FBXO45: variants seen among roughly 807,000 people sequenced by gnomAD.
FBXO45 encodes F-box/SPRY domain-containing protein 1.
In FBXO45, 3 loss-of-function variants were observed where a neutral mutation model predicts 25.5. That is an observed-to-expected ratio of 0.12 (90% CI 0.05 to 0.30). The LOEUF is 0.30. FBXO45 is among the 10% of genes least tolerant of loss of function. The probability of loss-of-function intolerance (pLI) is 1.00; values close to 1 mark genes in which losing one functional copy is unlikely to be tolerated. For missense variants in FBXO45, 219 were observed against 365.0 expected, an observed-to-expected ratio of 0.60 and a Z score of 3.26; for synonymous variants, 155 against 149.8, an observed-to-expected ratio of 1.03 and a Z score of -0.25.
At position 196,569,190 on chromosome 3, in the gene FBXO45, G is replaced by T. The variant is rs1735726183; in HGVS notation, c.206G>T (p.Cys69Phe). The T allele has an allele frequency of 2.6e-6, 4 of 1,565,860 alleles. No homozygotes were observed. The highest frequency in any genetic ancestry group is 2.6e-6 in the Non-Finnish European group (3 of 1,155,894). Residue 69 changes from cysteine to phenylalanine, a missense_variant, in exon 1 of 3, where the codon TGC (cysteine) becomes TTC (phenylalanine). Cys to Phe is a radical substitution (Grantham distance 205). Coordinates refer to ENST00000311630, the MANE Select transcript of FBXO45 (RefSeq NM_001105573.2). The surrounding 1 kb of genome is among the most constrained non-coding windows in gnomAD (Gnocchi z 4.1). ...CTGGTGTGCAAGCACTGGTACCGCT[G>T]CCTGCACGGCGATGAGAACAGCGAG... is the stretch of plus-strand genomic sequence containing the variant. ...CALVCKHWYR[C>F]LHGDENSEVW...
rs1452830257 is a variant in FBXO45 at position 196,586,836 on chromosome 3, A to G, written c.*2518A>G. On this transcript the variant is annotated 3_prime_UTR_variant, in exon 3 of 3. Coordinates refer to ENST00000311630, the MANE Select transcript of FBXO45 (RefSeq NM_001105573.2). ...TTTTAAAAACTTTCTGGTCATTTCA[A>G]TATGCTGCCAAGGTTGAGAACCACT... The G allele has an allele frequency of 6.6e-6, 1 of 152,124 alleles. No individual in the cohort carries two copies. Among genetic ancestry groups the G allele is most frequent in the Non-Finnish European group, 1.5e-5 (1 of 68,022 alleles). The allele number at this position is 152,124 out of a possible 1,614,324, so 9.4% of individuals were successfully genotyped here.
At chr3:196,578,046 CTT>C (rs775555553) in intron 2 of FBXO45, among the ~76,000 whole-genome samples, 1 of 94,086 alleles carries the variant, frequency 1.1e-5, no homozygotes, top group South Asian at 3.2e-4. Flanking sequence ...GAAAAATATT[CTT>C]TTTTTTTTTT....
At chr3:196,573,464 G>A (rs559122992) in intron 1 of FBXO45, among the ~76,000 whole-genome samples, 1 of 152,308 alleles carries the variant, frequency 6.6e-6, no homozygotes, top group South Asian at 2.1e-4. Flanking sequence ...AAAAAGACTA[G>A]GCCATAGATG....
rs1420882761 is a variant in FBXO45 at position 196,569,341 on chromosome 3, G to A, written c.318+39G>A. On this transcript the variant is annotated intron_variant, in intron 1 of 2. Transcript: ENST00000311630. The surrounding 1 kb of genome is among the most constrained non-coding windows in gnomAD (Gnocchi z 4.1). Reference sequence around the variant, plus strand: ...GGGCCACACCGCTGCCCCCAGTCCCGCTCCCCGGCGTCGTTCGCGGTGTTT... The same window carrying A: ...GGGCCACACCGCTGCCCCCAGTCCCACTCCCCGGCGTCGTTCGCGGTGTTT... The A allele has an allele frequency of 5.6e-6, 8 of 1,432,620 alleles. No homozygotes were observed. The East Asian group carries it at 1.3e-4, about 24-fold the overall frequency. The allele number at this position is 1,432,620 out of a possible 1,614,324, so 88.7% of individuals were successfully genotyped here.
intron 2 of FBXO45, among the ~76,000 whole-genome samples, chr3:196,578,043 A>ATTTTTTTTTT (rs1196867210): frequency 1.2e-4 from 3 of 25,184 alleles, no homozygotes; most frequent in African/African-American, 7.6e-4. Context: ...GCAGAAAAAT[A>ATTTTTTTTTT]TTCTTTTTTT....
Position 196,578,046 on chromosome 3 carries a change from C to G in FBXO45, c.675+237C>G, listed in dbSNP as rs116443640. On this transcript the variant is annotated intron_variant, in intron 2 of 2. Transcript: ENST00000311630. ...GATTTTGGCTATGCAGAAAAATATT[C>G]TTTTTTTTTTTTTAGACAGAATCTC... 2.9e-4 allele frequency among the ~76,000 whole-genome samples: 27 copies of G among 94,050 alleles called. 2 individuals carry two copies. The highest frequency in any genetic ancestry group is 7.0e-4 in the African/African-American group (15 of 21,574). The allele number at this position is 94,050 out of a possible 152,430, so 61.7% of individuals were successfully genotyped here.
chr3:196,578,325 A>G (rs1735953147), intron 2 of FBXO45, among the ~76,000 whole-genome samples: 1 of 152,064 alleles, frequency 6.6e-6, no homozygotes, highest in Non-Finnish European at 1.5e-5. Context: ...GTGAGCCACC[A>G]TGCCCAGCCT....
rs886519808 is a variant in FBXO45, at chr3:196,586,760, C to T, written c.*2442C>T. On this transcript the variant is annotated 3_prime_UTR_variant, in exon 3 of 3. Transcript: ENST00000311630. Reference sequence around the variant, plus strand: ...GGAAGACACATCGATGCTTGGGTTCCGTATGCCAAGATTCTGATGTTGGTC... The same window carrying T: ...GGAAGACACATCGATGCTTGGGTTCTGTATGCCAAGATTCTGATGTTGGTC... 1.3e-5 allele frequency: 2 copies of T among 152,084 alleles called. No individual in the cohort carries two copies. Among genetic ancestry groups the T allele is most frequent in the African/African-American group, 4.8e-5 (2 of 41,408 alleles). 9.4% of individuals were successfully genotyped at this position (152,084 alleles called of 1,614,324 possible). A position where few individuals can be genotyped will look rare whatever the true frequency, so the allele number is the denominator to read the frequency against.
chr3:196,583,143 CATA>C (rs1371081294), intron 2 of FBXO45, among the ~76,000 whole-genome samples: 8 of 152,176 alleles, frequency 5.3e-5, no homozygotes, highest in African/African-American at 1.9e-4. Context: ...TTTCACTTAG[CATA>C]ATATTTTCAG....
intron 2 of FBXO45, among the ~76,000 whole-genome samples, chr3:196,578,067 A>C (rs992586055): frequency 2.3e-4 from 3 of 12,928 alleles, no homozygotes; most frequent in African/African-American, 5.9e-4. Context: ...TTTAGACAGA[A>C]TCTCACTCCG....
Position 196,577,555 on chromosome 3 carries a change from A to G in FBXO45, c.421A>G (p.Thr141Ala). 1 of 1,614,054 alleles carries G rather than the reference A, an allele frequency of 6.2e-7. No individual in the cohort carries two copies. The highest frequency in any genetic ancestry group is 8.5e-7 in the Non-Finnish European group (1 of 1,179,900). ...TLHRNPIAQS[T>A]DGARTKIGFS... is the part of the protein sequence containing the mutation. ...ACATCGAAACCCCATTGCTCAGAGCACTGATGGTGCAAGGACCAAGATTGG... is the reference window on the plus strand; with the variant it reads ...ACATCGAAACCCCATTGCTCAGAGCGCTGATGGTGCAAGGACCAAGATTGG... The change falls in exon 2 of 3, where the codon ACT (threonine) becomes GCT (alanine). Residue 141 changes from threonine (T) to alanine (A), a missense_variant. Thr to Ala is a moderately conservative substitution (Grantham distance 58). Around this residue, in one of 4 missense-constraint regions of FBXO45, gnomAD observed 31 missense variants for 107.2 expected, o/e 0.29. Coordinates refer to ENST00000311630, the MANE Select transcript of FBXO45 (RefSeq NM_001105573.2).
chr3:196,568,806 A>T lies in FBXO45; in HGVS notation c.-179A>T. The T allele has an allele frequency of 4.0e-6, 1 of 247,534 alleles. No homozygotes were observed. Among genetic ancestry groups the T allele is most frequent in the Non-Finnish European group, 6.4e-6 (1 of 155,524 alleles). 15.3% of individuals were successfully genotyped at this position (247,534 alleles called of 1,614,324 possible). ...GCAGCCGGTGCGTCTGCCCTCAGTG[A>T]GGCGGGGCGCGCGGCGGACGCCCCC... is the stretch of plus-strand genomic sequence containing the variant. On this transcript the variant is annotated 5_prime_UTR_variant, in exon 1 of 3. Coordinates refer to ENST00000311630, the MANE Select transcript of FBXO45 (RefSeq NM_001105573.2).
rs1440312396 is a variant in FBXO45 at position 196,568,875 on chromosome 3, C to A, written c.-110C>A. On this transcript the variant is annotated 5_prime_UTR_variant, in exon 1 of 3. Transcript: ENST00000311630. ...TGGAGGCGCCGGCGGTTGGCACTGA[C>A]AGGGGCGGTGAGCGAGCCGCTCCGG... is the stretch of plus-strand genomic sequence containing the variant. The A allele has an allele frequency of 2.4e-6, 2 of 834,522 alleles. No homozygotes were observed. The highest frequency in any genetic ancestry group is 2.9e-6 in the Non-Finnish European group (2 of 691,780). The allele number at this position is 834,522 out of a possible 1,614,324, so 51.7% of individuals were successfully genotyped here.
At chr3:196,583,993 C>A in intron 2 of FBXO45, 140 bp from the exon 3 acceptor site, 1 of 778,468 alleles carries the variant, frequency 1.3e-6, no homozygotes, top group Non-Finnish European at 2.0e-6. Context: ...TTCTTCCTGA[C>A]TAGAAAGCTT....
At chr3:196,575,972 C>T (rs550543665) in intron 1 of FBXO45, among the ~76,000 whole-genome samples, 7 of 152,272 alleles carry the variant, frequency 4.6e-5, no homozygotes, top group African/African-American at 9.6e-5. Context: ...CCACCGCGCC[C>T]GGCCCCTTCA....
In FBXO45 at chr3:196,580,865, A is replaced by C. The variant is rs200094523; in HGVS notation, c.675+3056A>C. Among the ~76,000 whole-genome samples, 24 of 151,794 alleles carry C rather than the reference A, an allele frequency of 1.6e-4. No homozygotes were observed. The East Asian group carries it at 4.1e-3, about 26-fold the overall frequency. On this transcript the variant is annotated intron_variant, in intron 2 of 2. Transcript: ENST00000311630. ...TGGCGTGATGATCTTGGCTCACTGA[A>C]ACCTCTGCCTCCCAGGCTCAAGTGA...
In FBXO45 at chr3:196,587,718, G is replaced by T. The variant is rs1251387286; in HGVS notation, c.*3400G>T. 1 of 152,054 alleles carries T rather than the reference G, an allele frequency of 6.6e-6. No homozygotes were observed. The highest frequency in any genetic ancestry group is 2.4e-5 in the African/African-American group (1 of 41,350). The allele number at this position is 152,054 out of a possible 1,614,324, so 9.4% of individuals were successfully genotyped here. ...TTTAAATCCCCAAACTATGTAGATTGTCATATTAATATTAATTTTTTTTTG... is the reference window on the plus strand; with the variant it reads ...TTTAAATCCCCAAACTATGTAGATTTTCATATTAATATTAATTTTTTTTTG... On this transcript the variant is annotated 3_prime_UTR_variant, in exon 3 of 3. Coordinates refer to ENST00000311630, the MANE Select transcript of FBXO45 (RefSeq NM_001105573.2).
chr3:196,569,946 T>G lies in FBXO45; in HGVS notation c.318+644T>G, dbSNP rs1735763682. Among the ~76,000 whole-genome samples the G allele has an allele frequency of 6.6e-6, 1 of 152,226 alleles. No individual in the cohort carries two copies. Among genetic ancestry groups the G allele is most frequent in the African/African-American group, 2.4e-5 (1 of 41,446 alleles). On this transcript the variant is annotated intron_variant, in intron 1 of 2. Transcript: ENST00000311630. This position sits in a 1 kb window ranked among gnomAD's most constrained non-coding sequence, Gnocchi z 4.1. ...TGTTATTGGCTGTTTCCTTGCTAAC[T>G]TTTTAATAGTTCCACATTGATGGTG...
chr3:196,581,223 C>CTTTTTTTTTTTTTTTTTTTTTTT lies in FBXO45; in HGVS notation c.676-2904_676-2882dup, dbSNP rs33962634. Among the ~76,000 whole-genome samples the CTTTTTTTTTTTTTTTTTTTTTTT allele has an allele frequency of 3.9e-4, 25 of 63,676 alleles. 4 individuals are homozygous for CTTTTTTTTTTTTTTTTTTTTTTT. Among genetic ancestry groups the CTTTTTTTTTTTTTTTTTTTTTTT allele is most frequent in the East Asian group, 2.2e-3 (4 of 1,838 alleles). 41.8% of individuals were successfully genotyped at this position (63,676 alleles called of 152,430 possible). A position where few individuals can be genotyped will look rare whatever the true frequency, so the allele number is the denominator to read the frequency against. ...TAGAATTTCCTTTTTTTTCTTTTTC[C>CTTTTTTTTTTTTTTTTTTTTTTT]TTTTTTTTTTTTTTTTTTTTTTTTT... On this transcript the variant is annotated intron_variant, in intron 2 of 2. Coordinates refer to ENST00000311630, the MANE Select transcript of FBXO45 (RefSeq NM_001105573.2).
Sources: gnomAD v4.1 joint callset for allele counts (sites outside exome capture counted in the v4.1 genomes callset) on GRCh38, gnomAD v4.1.1 for gene constraint, gnomAD v4.1.1 regional missense constraint, Gnocchi (gnomAD v3.1) non-coding constraint, MANE v1.5 for transcripts, NCBI Gene and HGNC (gene_info 2026-07-23, HGNC 2026-07-21) for gene names.